Variants in XPR1 observed in about 807,000 individuals in gnomAD.
The protein encoded by XPR1 is solute carrier family 53 member 1.
In XPR1, 28 loss-of-function variants were observed where a neutral mutation model predicts 87.5. That is an observed-to-expected ratio of 0.32 (90% CI 0.24 to 0.44). XPR1 has a LOEUF of 0.44. Ranked by LOEUF, XPR1 falls within the 20% of genes least tolerant of loss-of-function variation. The pLI is 1.00. For missense variants in XPR1, 559 were observed against 862.3 expected, an observed-to-expected ratio of 0.65 and a Z score of 4.41; for synonymous variants, 300 against 306.1, an observed-to-expected ratio of 0.98 and a Z score of 0.21.
intron 13 of XPR1, among the ~76,000 whole-genome samples, chr1:180,879,000 G>A (rs919702618): frequency 5.9e-5 from 9 of 152,086 alleles, no homozygotes; most frequent in Middle Eastern, 3.4e-3. Context: ...GCAGACTCTC[G>A]TCCACCTCTC....
At position 180,806,126 on chromosome 1, in the gene XPR1, G is replaced by A. The variant is rs964592622; in HGVS notation, c.512G>A (p.Arg171His). The change falls in exon 5 of 15, where the codon CGT becomes CAT. Residue 171 changes from arginine to histidine, a missense_variant. Coordinates refer to ENST00000367590, the MANE Select transcript of XPR1 (RefSeq NM_004736.4). ...KKHDKILETS[R>H]GADWRVAHVE... ...CATGACAAGATCCTGGAAACATCTC[G>A]TGGAGCAGATTGGCGAGTGGCTCAC... 9 of 1,613,740 alleles carry A rather than the reference G, an allele frequency of 5.6e-6. No homozygotes were observed. The highest frequency in any genetic ancestry group is 1.6e-4 in the Middle Eastern group (1 of 6,084).
At chr1:180,708,607 CT>C (rs1657637276) in intron 2 of XPR1, among the ~76,000 whole-genome samples, 1 of 151,238 alleles carries the variant, frequency 6.6e-6, no homozygotes, top group Non-Finnish European at 1.5e-5. Flanking sequence ...ACCTATATTC[CT>C]GGCATAACTG....
At chr1:180,840,611 C>T (rs1651476040) in intron 11 of XPR1, among the ~76,000 whole-genome samples, 1 of 126,740 alleles carries the variant, frequency 7.9e-6, no homozygotes, top group Non-Finnish European at 1.7e-5. Context: ...AATTTTTTGC[C>T]CACAGTAAAA....
chr1:180,775,669 G>T (rs1648688946), intron 2 of XPR1, among the ~76,000 whole-genome samples: 1 of 152,060 alleles, frequency 6.6e-6, no homozygotes, highest in African/African-American at 2.4e-5. Context: ...ATACTTTGTG[G>T]TATATAAAGT....
chr1:180,782,565 CG>C (rs1038430127), intron 2 of XPR1, among the ~76,000 whole-genome samples: 7 of 151,744 alleles, frequency 4.6e-5, no homozygotes, highest in African/African-American at 1.7e-4. Flanking sequence ...GTGTGTTGGG[CG>C]GGGGCAGTGG....
intron 2 of XPR1, among the ~76,000 whole-genome samples, chr1:180,717,384 C>T (rs1221018777): frequency 6.6e-6 from 1 of 152,092 alleles, no homozygotes; most frequent in Non-Finnish European, 1.5e-5. Context: ...ACCTGTCATG[C>T]TGTTCTTGTG....
At chr1:180,800,594 A>G (rs1208126049) in intron 3 of XPR1, among the ~76,000 whole-genome samples, 3 of 152,224 alleles carry the variant, frequency 2.0e-5, no homozygotes, top group Non-Finnish European at 4.4e-5. Context: ...TCTAACCTAC[A>G]AAACGGTGAG....
At chr1:180,691,861 AGCTT>A (rs1337382333) in intron 2 of XPR1, among the ~76,000 whole-genome samples, 1 of 152,050 alleles carries the variant, frequency 6.6e-6, no homozygotes, top group Non-Finnish European at 1.5e-5. Context: ...AACAGATGTG[AGCTT>A]GCTTTTTAAT....
At position 180,646,108 on chromosome 1, in the gene XPR1, C is replaced by T. The variant is rs181475079; in HGVS notation, c.69+13838C>T. Among the ~76,000 whole-genome samples the T allele has an allele frequency of 5.3e-5, 8 of 152,336 alleles. No homozygotes were observed. In the East Asian group the frequency reaches 1.2e-3, roughly 22 times the overall value. On this transcript the variant is annotated intron_variant, in intron 1 of 14. Coordinates refer to ENST00000367590, the MANE Select transcript of XPR1 (RefSeq NM_004736.4). ...ACTTGTCAACCTGGATTCCATACCA[C>T]GGTTCCCATTAATGCTAACAATTGT... is the stretch of plus-strand genomic sequence containing the variant.
intron 2 of XPR1, among the ~76,000 whole-genome samples, chr1:180,783,068 C>T (rs1035909035): frequency 2.6e-5 from 4 of 151,992 alleles, no homozygotes; most frequent in Admixed American, 2.6e-4. Flanking sequence ...ATTCTATAAG[C>T]TTCTCATAAC....
intron 2 of XPR1, among the ~76,000 whole-genome samples, chr1:180,692,416 A>C (rs185138599): frequency 4.1e-4 from 63 of 152,280 alleles, no homozygotes; most frequent in African/African-American, 1.4e-3. Context: ...CATCTCTTTA[A>C]GAATGATATA....
intron 11 of XPR1, among the ~76,000 whole-genome samples, chr1:180,854,117 G>A (rs1651961013): frequency 6.6e-6 from 1 of 152,158 alleles, no homozygotes; most frequent in Non-Finnish European, 1.5e-5. Context: ...TTAGCTCTCA[G>A]GAACTTATCC....
At chr1:180,728,746 C>G (rs539352928) in intron 2 of XPR1, among the ~76,000 whole-genome samples, 1 of 152,146 alleles carries the variant, frequency 6.6e-6, no homozygotes, top group Non-Finnish European at 1.5e-5. Context: ...AACCTGGATT[C>G]GAATACAAAT....
intron 3 of XPR1, among the ~76,000 whole-genome samples, chr1:180,794,686 T>C (rs185738619): frequency 2.6e-4 from 40 of 152,292 alleles, no homozygotes; most frequent in Non-Finnish European, 5.4e-4. Flanking sequence ...ATTAGCCAAA[T>C]GCTCTTAAGG....
chr1:180,773,896 G>T (rs972459226), intron 2 of XPR1, among the ~76,000 whole-genome samples: 1 of 152,090 alleles, frequency 6.6e-6, no homozygotes, highest in Non-Finnish European at 1.5e-5. Context: ...TTTTCCTCAA[G>T]AAAATAGAGA....
intron 2 of XPR1, among the ~76,000 whole-genome samples, chr1:180,701,807 C>G (rs1043018804): frequency 7.1e-6 from 1 of 140,008 alleles, no homozygotes; most frequent in Non-Finnish European, 1.5e-5. Context: ...AGTTCCTCCT[C>G]GTATTTGATT....
At chr1:180,720,569 A>G (rs983496085) in intron 2 of XPR1, among the ~76,000 whole-genome samples, 1 of 152,186 alleles carries the variant, frequency 6.6e-6, no homozygotes, top group Non-Finnish European at 1.5e-5. Context: ...GAATATTATA[A>G]TTTAATATAT....
chr1:180,736,002 A>T (rs1197688031), intron 2 of XPR1, among the ~76,000 whole-genome samples: 1 of 152,208 alleles, frequency 6.6e-6, no homozygotes, highest in African/African-American at 2.4e-5. Context: ...AACAAAATAG[A>T]TACTAGCCCT....
Position 180,886,739 on chromosome 1 carries a change from C to T in XPR1, c.*2673C>T, listed in dbSNP as rs574403537. On this transcript the variant is annotated 3_prime_UTR_variant, in exon 15 of 15. Coordinates refer to ENST00000367590, the MANE Select transcript of XPR1 (RefSeq NM_004736.4). ...AAGAGAGCTTGGGAGACAAAGCATACATTTAATTTTTTTCTTTCAAAAAAG... is the reference window on the plus strand; with the variant it reads ...AAGAGAGCTTGGGAGACAAAGCATATATTTAATTTTTTTCTTTCAAAAAAG... 1 of 152,294 alleles carries T rather than the reference C, an allele frequency of 6.6e-6. No individual in the cohort carries two copies. The highest frequency in any genetic ancestry group is 2.4e-5 in the African/African-American group (1 of 41,562). The allele number at this position is 152,294 out of a possible 1,614,324, so 9.4% of individuals were successfully genotyped here.
Sources: allele counts gnomAD v4.1 joint callset (sites outside exome capture counted in the v4.1 genomes callset), GRCh38; gene constraint gnomAD v4.1.1; transcripts MANE v1.5; gene names NCBI Gene and HGNC (gene_info 2026-07-23, HGNC 2026-07-21).